Variants in ZSWIM5 observed in about 807,000 individuals in gnomAD.
ZSWIM5 encodes the protein zinc finger SWIM domain-containing protein 5.
A neutral mutation model predicts 119.6 loss-of-function variants in ZSWIM5; 55 were observed. That is an observed-to-expected ratio of 0.46 (90% CI 0.37 to 0.58). ZSWIM5 has a LOEUF of 0.58. ZSWIM5 is among the 20% of genes least tolerant of loss of function. The pLI is 0.00. For synonymous variants in ZSWIM5, 537 were observed against 606.9 expected, an observed-to-expected ratio of 0.88 and a Z score of 1.69; for missense variants, 1,193 against 1,512.8, an observed-to-expected ratio of 0.79 and a Z score of 3.51.
chr1:45,071,882 CAACA>C (rs1645224357), intron 2 of ZSWIM5, among the ~76,000 whole-genome samples: 1 of 152,164 alleles, frequency 6.6e-6, no homozygotes, highest in Non-Finnish European at 1.5e-5. Context: ...AACAATGCTG[CAACA>C]AACAAACATG....
chr1:45,063,251 G>A (rs558403233), intron 2 of ZSWIM5, among the ~76,000 whole-genome samples: 2 of 152,160 alleles, frequency 1.3e-5, no homozygotes, highest in African/African-American at 2.4e-5. Flanking sequence ...TTGATTCCAC[G>A]TCTTTGCTAT....
At chr1:45,133,644 G>A (rs1336300325) in intron 1 of ZSWIM5, among the ~76,000 whole-genome samples, 1 of 152,134 alleles carries the variant, frequency 6.6e-6, no homozygotes, top group African/African-American at 2.4e-5. Flanking sequence ...TTTGGGTTTT[G>A]TTGCCATTGC....
rs1254535445 is a variant in ZSWIM5, at chr1:45,016,510, T to G, written c.*1944A>C. 6.6e-6 allele frequency: 1 copy of G among 151,740 alleles called. No homozygotes were observed. Among genetic ancestry groups the G allele is most frequent in the African/African-American group, 2.4e-5 (1 of 41,446 alleles). The allele number at this position is 151,740 out of a possible 1,614,324, so 9.4% of individuals were successfully genotyped here. Reference sequence around the variant, plus strand: ...ACTGTGATACAGAAATGAGAGTGGCTTCTCTCTTTTTTTTAACCAACCCAT... The same window carrying G: ...ACTGTGATACAGAAATGAGAGTGGCGTCTCTCTTTTTTTTAACCAACCCAT... On this transcript the variant is annotated 3_prime_UTR_variant, in exon 14 of 14. Transcript: ENST00000359600.
At chr1:45,137,679 T>C (rs1253211201) in intron 1 of ZSWIM5, among the ~76,000 whole-genome samples, 1 of 152,086 alleles carries the variant, frequency 6.6e-6, no homozygotes, top group Non-Finnish European at 1.5e-5. Context: ...GCCTGGCATG[T>C]TCAAAGAATA....
At chr1:45,071,684 C>A (rs1645223254) in intron 2 of ZSWIM5, among the ~76,000 whole-genome samples, 1 of 152,024 alleles carries the variant, frequency 6.6e-6, no homozygotes, top group Non-Finnish European at 1.5e-5. Flanking sequence ...GTCTTGAACT[C>A]CTGAGCTCAA....
chr1:45,190,579 G>A (rs997369963), intron 1 of ZSWIM5, among the ~76,000 whole-genome samples: 1 of 152,166 alleles, frequency 6.6e-6, no homozygotes, highest in Non-Finnish European at 1.5e-5. Flanking sequence ...CCAAGAGTCA[G>A]AGGAAATGTA....
At chr1:45,082,683 TG>T (rs1272404353) in intron 2 of ZSWIM5, among the ~76,000 whole-genome samples, 1 of 152,196 alleles carries the variant, frequency 6.6e-6, no homozygotes, top group Non-Finnish European at 1.5e-5. Context: ...AATATAAGTA[TG>T]GGATAAACAT....
chr1:45,189,174 G>C (rs1458524440), intron 1 of ZSWIM5, among the ~76,000 whole-genome samples: 1 of 152,058 alleles, frequency 6.6e-6, no homozygotes, highest in Non-Finnish European at 1.5e-5. Flanking sequence ...AATTAGCCAG[G>C]GATGGTAGTG....
intron 2 of ZSWIM5, among the ~76,000 whole-genome samples, chr1:45,065,456 T>C (rs1215172895): frequency 2.0e-5 from 3 of 152,106 alleles, no homozygotes; most frequent in African/African-American, 7.2e-5. Context: ...TGGAGAACAT[T>C]TGGCACCCAG....
chr1:45,036,194 A>G lies in ZSWIM5; in HGVS notation c.2000T>C (p.Met667Thr), dbSNP rs372440667. 10 of 1,613,998 alleles carry G rather than the reference A, an allele frequency of 6.2e-6. No individual in the cohort carries two copies. Among genetic ancestry groups the G allele is most frequent in the Non-Finnish European group, 8.5e-6 (10 of 1,180,042 alleles). ...CATTAACCTCTGTTGACCCAGGCCCATCAGTGCAACTTCCAGGGCCAATGA... is the reference window on the plus strand; with the variant it reads ...CATTAACCTCTGTTGACCCAGGCCCGTCAGTGCAACTTCCAGGGCCAATGA... ...YLSLALEVALMGLGQQRLMPE... is the reference protein window; with the variant it reads ...YLSLALEVALTGLGQQRLMPE... The change falls in exon 9 of 14, where the codon ATG becomes ACG. Residue 667 changes from methionine (M) to threonine (T), a missense_variant. By Grantham distance (81) the Met-to-Thr change is moderately conservative. Transcript: ENST00000359600.
chr1:45,070,869 T>G (rs1645217780), intron 2 of ZSWIM5, among the ~76,000 whole-genome samples: 1 of 152,242 alleles, frequency 6.6e-6, no homozygotes, highest in African/African-American at 2.4e-5. Context: ...ATTGATTATT[T>G]TACAGGTATC....
chr1:45,172,189 A>C (rs1221962296), intron 1 of ZSWIM5, among the ~76,000 whole-genome samples: 1 of 152,110 alleles, frequency 6.6e-6, no homozygotes, highest in Non-Finnish European at 1.5e-5. Flanking sequence ...CACGGTTGCG[A>C]AACTAAACAA....
At position 45,190,927 on chromosome 1, in the gene ZSWIM5, A is replaced by ATTTTTTT. The variant is rs746764436; in HGVS notation, c.595+14822_595+14828dup. Among the ~76,000 whole-genome samples the ATTTTTTT allele has an allele frequency of 5.4e-3, 264 of 49,012 alleles. 75 individuals carry two copies. Among genetic ancestry groups the ATTTTTTT allele is most frequent in the East Asian group, 0.02 (25 of 1,220 alleles). The allele number at this position is 49,012 out of a possible 152,430, so 32.2% of individuals were successfully genotyped here. ...TCCATGTTCGACTGAAATAGCTGGA[A>ATTTTTTT]TTTTTTTTTTTTTTTTTTTTTTTTT... On this transcript the variant is annotated intron_variant, in intron 1 of 13. Coordinates refer to ENST00000359600, the MANE Select transcript of ZSWIM5 (RefSeq NM_020883.2).
At chr1:45,082,654 G>A (rs962587862) in intron 2 of ZSWIM5, among the ~76,000 whole-genome samples, 2 of 152,192 alleles carry the variant, frequency 1.3e-5, no homozygotes, top group Non-Finnish European at 2.9e-5. Context: ...GAATACTATG[G>A]AACCTGTTGT....
At chr1:45,032,232 A>C (rs1186191598) in intron 11 of ZSWIM5, among the ~76,000 whole-genome samples, 1 of 152,062 alleles carries the variant, frequency 6.6e-6, no homozygotes, top group Non-Finnish European at 1.5e-5. Flanking sequence ...GGGCTTGAGC[A>C]GTCCTTCTGC....
rs1645319521 is a variant in ZSWIM5, at chr1:45,085,232, G to C, written c.952+2649C>G. ...AGAGCTGGAGTGGCTGGGATGCAGG[G>C]AGCAGTGTCCTAAGGAGCAGGGTAG... On this transcript the variant is annotated intron_variant, in intron 2 of 13. Transcript: ENST00000359600. Among the ~76,000 whole-genome samples the C allele has an allele frequency of 2.0e-5, 3 of 152,334 alleles. No individual in the cohort carries two copies. In the East Asian group the frequency reaches 5.8e-4, roughly 29 times the overall value.
At chr1:45,131,678 C>G (rs916273039) in intron 1 of ZSWIM5, among the ~76,000 whole-genome samples, 1 of 141,184 alleles carries the variant, frequency 7.1e-6, no homozygotes, top group Non-Finnish European at 1.5e-5. Context: ...TGAGCCAAGA[C>G]TGGGCCACTG....
At chr1:45,181,594 C>G (rs899479555) in intron 1 of ZSWIM5, among the ~76,000 whole-genome samples, 7 of 152,112 alleles carry the variant, frequency 4.6e-5, no homozygotes, top group African/African-American at 1.4e-4. Flanking sequence ...CACAAAGATA[C>G]TCCTCGAGAA....
chr1:45,192,258 T>C (rs1224048699), intron 1 of ZSWIM5, among the ~76,000 whole-genome samples: 1 of 152,208 alleles, frequency 6.6e-6, no homozygotes, highest in Non-Finnish European at 1.5e-5. Context: ...ACTAAAATTC[T>C]AGTTCAACAG....
Sources: gnomAD v4.1 joint callset for allele counts (sites outside exome capture counted in the v4.1 genomes callset) on GRCh38, gnomAD v4.1.1 for gene constraint, MANE v1.5 for transcripts, NCBI Gene and HGNC (gene_info 2026-07-23, HGNC 2026-07-21) for gene names.